ARHGAP4: variants seen among roughly 807,000 people sequenced by gnomAD.
The protein encoded by ARHGAP4 is Rho GTPase activating protein 4.
ARHGAP4 carries 25 observed loss-of-function variants against 67.6 expected under a neutral mutation model. The observed-to-expected ratio is 0.37, with a 90% CI of 0.27 to 0.52. The LOEUF is 0.52. Among genes scored for constraint, ARHGAP4 ranks in the 20% least tolerant of loss-of-function variants. The pLI, the probability that ARHGAP4 is intolerant of heterozygous loss-of-function variation, is 0.92. For synonymous variants in ARHGAP4, 448 were observed against 373.7 expected (o/e 1.20, Z -2.29); for missense variants, 804 against 854.6 (o/e 0.94, Z 0.74).
chrX:153,915,280 T>C (rs1029553388), intron 7 of ARHGAP4, among the ~76,000 whole-genome samples: 12 of 112,110 alleles, frequency 1.1e-4, no homozygotes, highest in East Asian at 2.8e-4. Context: ...TTTGGGAAGA[T>C]GAACAAGTTC....
At chrX:153,914,084 C>T in intron 7 of ARHGAP4, 2 of 430,583 alleles carry the variant, frequency 4.6e-6, no homozygotes, top group Admixed American at 4.0e-5. Context: ...GGCGGCACCA[C>T]TCATCCAACT....
In ARHGAP4 at chrX:153,921,386, G is replaced by A. The variant is rs781882321; in HGVS notation, c.414C>T (p.Asp138=). ...TCACCTTCTTGACCAGGCGCCCCAC[G>A]TCCTCTGCAATGTGACTCAGGCGCT... is the stretch of plus-strand genomic sequence containing the variant. ...LAQRLSHIAE[D]VGRLVKKSRD... The change falls in exon 3 of 22, where the codon GAC becomes GAT. Residue 138 remains aspartate (D), a synonymous_variant. Transcript: ENST00000350060. The A allele has an allele frequency of 9.9e-6, 12 of 1,209,559 alleles. No individual in the cohort carries two copies. The highest frequency in any genetic ancestry group is 1.3e-5 in the Non-Finnish European group (12 of 895,121).
chrX:153,916,529 C>T (rs1290469109), intron 7 of ARHGAP4, among the ~76,000 whole-genome samples: 1 of 113,188 alleles, frequency 8.8e-6, no homozygotes, highest in African/African-American at 3.2e-5. Flanking sequence ...CTCTCACCCC[C>T]TCTCCTCCCT....
rs782027621 is a variant in ARHGAP4, at chrX:153,926,138, T to C, written c.65A>G (p.Lys22Arg). 6 of 1,202,721 alleles carry C rather than the reference T, an allele frequency of 5.0e-6. No individual in the cohort carries two copies. Among genetic ancestry groups the C allele is most frequent in the East Asian group, 3.0e-5 (1 of 33,176 alleles). Residue 22 changes from lysine (K) to arginine (R), a missense_variant and splice_region_variant, in exon 1 of 22, where the codon AAA (lysine) becomes AGA (arginine). Lys to Arg is a conservative substitution (Grantham distance 26, BLOSUM62 2). Around this residue, in one of 2 missense-constraint regions of ARHGAP4, gnomAD observed 404 missense variants for 505.9 expected, o/e 0.80. Coordinates refer to ENST00000350060, the MANE Select transcript of ARHGAP4 (RefSeq NM_001666.5). ...GGGAGCGCCCGGCGCCCTCTCACCT[T>C]TGACTTGCGTCTCATACTCAGCCTG... ...GLQAEYETQV[K>R]EMRWQLSEQL...
chrX:153,924,659 G>A (rs1847494299), intron 1 of ARHGAP4, among the ~76,000 whole-genome samples: 2 of 111,633 alleles, frequency 1.8e-5, no homozygotes, highest in Non-Finnish European at 3.8e-5. Flanking sequence ...AGGGCTGGAG[G>A]GGCTGGAGTC....
chrX:153,915,370 C>T (rs1340187528), intron 7 of ARHGAP4, among the ~76,000 whole-genome samples: 2 of 111,917 alleles, frequency 1.8e-5, no homozygotes, highest in African/African-American at 3.3e-5. Flanking sequence ...AAATGGTGAA[C>T]GTGGTATGTT....
In ARHGAP4 at chrX:153,921,506, C is replaced by T. The variant is rs2065094117; in HGVS notation, c.294G>A (p.Ser98=). 8.4e-7 allele frequency: 1 copy of T among 1,195,014 alleles called. No homozygotes were observed. The highest frequency in any genetic ancestry group is 1.1e-6 in the Non-Finnish European group (1 of 886,537). Residue 98 remains serine (S), a synonymous_variant, in exon 3 of 22, where the codon TCG becomes TCA. Coordinates refer to ENST00000350060, the MANE Select transcript of ARHGAP4 (RefSeq NM_001666.5). The part of the protein sequence containing the change: ...QSFRKEPSLL[S]PLHCWAVLLQ... ...GCAGCACCGCCCAGCAGTGCAAGGG[C>T]GACAGGAGGGACGGCTCCTTCCTGG... is the stretch of plus-strand genomic sequence containing the variant.
intron 7 of ARHGAP4, 101 bp from the exon 8 acceptor site, chrX:153,913,980 G>A (rs781832791): frequency 9.0e-5 from 67 of 745,140 alleles, no homozygotes; most frequent in South Asian, 4.4e-4. Flanking sequence ...GTGGCCTGGC[G>A]GCCGGGCACA....
In ARHGAP4 at chrX:153,909,398, A is replaced by G. The variant is rs113896893; in HGVS notation, c.2507+45T>C. 1,684 of 1,084,669 alleles carry G rather than the reference A, an allele frequency of 1.6e-3. 11 individuals carry two copies. The African/African-American group carries it at 0.036, about 23-fold the overall frequency. The allele number at this position is 1,084,669 out of a possible 1,213,427, so 89.4% of individuals were successfully genotyped here. On this transcript the variant is annotated intron_variant, in intron 20 of 21. Transcript: ENST00000350060. ...GCCTGACCCCAGTCCCCTCTGGCCT[A>G]GAACAGCACACGTGTGGCCCCCTGA...
In ARHGAP4 at chrX:153,910,588, C is replaced by T; in HGVS notation, c.1840G>A (p.Val614Met). ...CACAGCAGGCGGCTCACGTGCTCCA[C>T]CCTCTCCGCTGTGGCCTCCAGCTCT... is the stretch of plus-strand genomic sequence containing the variant. ...SSELEATAERVEHVSRLLWRL... is the reference protein window; with the variant it reads ...SSELEATAERMEHVSRLLWRL... The change falls in exon 16 of 22, where the codon GTG (valine) becomes ATG (methionine). Residue 614 changes from valine to methionine, a missense_variant. By Grantham distance (21) the Val-to-Met change is conservative (BLOSUM62 1). This residue lies in a region of ARHGAP4 where 400 missense variants were observed against 348.7 expected (regional missense o/e 1.15). Coordinates refer to ENST00000350060, the MANE Select transcript of ARHGAP4 (RefSeq NM_001666.5). 1 of 1,208,059 alleles carries T rather than the reference C, an allele frequency of 8.3e-7. No individual in the cohort carries two copies. The highest frequency in any genetic ancestry group is 1.1e-6 in the Non-Finnish European group (1 of 894,538).
At chrX:153,920,879 C>T (rs1167391409) in intron 4 of ARHGAP4, 71 bp from the exon 5 acceptor site, 2 of 1,159,656 alleles carry the variant, frequency 1.7e-6, no homozygotes, top group East Asian at 6.0e-5. Context: ...CCCTCTACCC[C>T]TGCCCCTCTG....
chrX:153,919,718 G>C (rs1328100873), intron 5 of ARHGAP4: 3 of 1,105,116 alleles, frequency 2.7e-6, no homozygotes, highest in Middle Eastern at 3.0e-4. Flanking sequence ...AAAGGGTAGG[G>C]ATAGATCATC....
At chrX:153,917,434 G>A (rs1467441444) in intron 7 of ARHGAP4, among the ~76,000 whole-genome samples, 4 of 109,781 alleles carry the variant, frequency 3.6e-5, no homozygotes, top group African/African-American at 1.0e-4. Flanking sequence ...GCTTCAGAAA[G>A]ATTCAAGAAG....
intron 7 of ARHGAP4, 74 bp from the exon 8 acceptor site, chrX:153,913,953 G>A: frequency 2.1e-6 from 2 of 974,166 alleles, no homozygotes; most frequent in Non-Finnish European, 2.9e-6. Flanking sequence ...GGGCATAAGG[G>A]AAGCAAGCAC....
chrX:153,926,197 G>A lies in ARHGAP4; in HGVS notation c.6C>T (p.Ala2=). 1.7e-6 allele frequency: 2 copies of A among 1,196,676 alleles called. No individual in the cohort carries two copies. The highest frequency in any genetic ancestry group is 2.3e-6 in the Non-Finnish European group (2 of 888,321). The change falls in exon 1 of 22, where the codon GCC becomes GCT. Residue 2 remains alanine (A), a synonymous_variant. Transcript: ENST00000350060. M[A]AHGKLRRERG... Reference sequence around the variant, plus strand: ...GCTCCCGCCGCAGCTTCCCGTGAGCGGCCATGGCGGCCTCGCGGCCGCGCC... The same window carrying A: ...GCTCCCGCCGCAGCTTCCCGTGAGCAGCCATGGCGGCCTCGCGGCCGCGCC...
chrX:153,909,799 C>A lies in ARHGAP4; in HGVS notation c.2356G>T (p.Gly786Trp). The change falls in exon 19 of 22, where the codon GGG (glycine) becomes TGG (tryptophan). Residue 786 changes from glycine (G) to tryptophan (W), a missense_variant. Gly to Trp is a radical substitution (Grantham distance 184). Coordinates refer to ENST00000350060, the MANE Select transcript of ARHGAP4 (RefSeq NM_001666.5). ...HERASSDWWR[G>W]EHNGMRGLIP... ...AGGCCCCGCATGCCGTTGTGCTCCCCCCGCCACCAGTCGCTCGAGGCCCTC... is the reference window on the plus strand; with the variant it reads ...AGGCCCCGCATGCCGTTGTGCTCCCACCGCCACCAGTCGCTCGAGGCCCTC... 1.7e-6 allele frequency: 2 copies of A among 1,202,716 alleles called. No homozygotes were observed. Among genetic ancestry groups the A allele is most frequent in the Non-Finnish European group, 2.2e-6 (2 of 891,723 alleles).
chrX:153,923,036 T>C (rs1446900768), intron 1 of ARHGAP4, among the ~76,000 whole-genome samples: 1 of 110,532 alleles, frequency 9.0e-6, no homozygotes, highest in Non-Finnish European at 1.9e-5. Flanking sequence ...TGGCTGTACG[T>C]GGGCAGTAGG....
intron 5 of ARHGAP4, among the ~76,000 whole-genome samples, chrX:153,920,175 G>A (rs913739816): frequency 1.8e-4 from 20 of 112,165 alleles, no homozygotes; most frequent in African/African-American, 4.9e-4. Context: ...TGAGATGCTC[G>A]ACTCCCTCCT....
chrX:153,913,014 G>C lies in ARHGAP4; in HGVS notation c.1439+10C>G, dbSNP rs782788722. ...CCGTCGCAGGGCCCCAGCCCTCAGG[G>C]AGGACTCACCAAGACACCTCCTGCT... On this transcript the variant is annotated intron_variant, in intron 11 of 21. Coordinates refer to ENST00000350060, the MANE Select transcript of ARHGAP4 (RefSeq NM_001666.5). 3.3e-6 allele frequency: 4 copies of C among 1,195,180 alleles called. No individual in the cohort carries two copies. In the East Asian group the frequency reaches 1.2e-4, roughly 36 times the overall value.
Sources: allele counts gnomAD v4.1 joint callset (sites outside exome capture counted in the v4.1 genomes callset), GRCh38; gene constraint gnomAD v4.1.1; regional missense constraint gnomAD v4.1.1; transcripts MANE v1.5; gene names NCBI Gene and HGNC (gene_info 2026-07-23, HGNC 2026-07-21).